The following GAS7 variants were observed in gnomAD, a reference collection of about 807,000 sequenced individuals.
GAS7 encodes growth arrest specific 7, also known as growth arrest-specific protein 7.
A neutral mutation model predicts 71.1 loss-of-function variants in GAS7; 28 were observed. That is an observed-to-expected ratio of 0.39 (90% CI 0.29 to 0.54). The LOEUF is 0.54. GAS7 is among the 20% of genes least tolerant of loss of function. The pLI is 0.62. For missense variants in GAS7, 436 were observed against 627.8 expected, an observed-to-expected ratio of 0.69 and a Z score of 3.27; for synonymous variants, 258 against 245.8, an observed-to-expected ratio of 1.05 and a Z score of -0.46.
At chr17:10,017,323 C>CTTTTTTT (rs1209394276) in intron 2 of GAS7, among the ~76,000 whole-genome samples, 2 of 142,052 alleles carry the variant, frequency 1.4e-5, no homozygotes, top group African/African-American at 2.6e-5. Flanking sequence ...TCATCTTCCA[C>CTTTTTTT]TTTTTTTTTT....
rs2073247086 is a variant in GAS7 at position 10,063,828 on chromosome 17, A to G, written c.184-43931T>C. ...CCTGGTCAAATGCTTCCTTCAAGAC[A>G]CTCAGGTCATGGGCTTCCCCTTGCA... On this transcript the variant is annotated intron_variant, in intron 1 of 13. Coordinates refer to ENST00000432992, the MANE Select transcript of GAS7 (RefSeq NM_201433.2). Among the ~76,000 whole-genome samples, 3 of 151,880 alleles carry G rather than the reference A, an allele frequency of 2.0e-5. No individual in the cohort carries two copies. In the South Asian group the frequency reaches 6.2e-4, roughly 32 times the overall value.
chr17:9,942,144 C>T (rs1183278390), intron 7 of GAS7, among the ~76,000 whole-genome samples: 1 of 152,040 alleles, frequency 6.6e-6, no homozygotes, highest in Non-Finnish European at 1.5e-5. Flanking sequence ...ATCCCAGCTA[C>T]TCCAGAGGCT....
At chr17:10,061,544 T>G (rs566291036) in intron 1 of GAS7, among the ~76,000 whole-genome samples, 1 of 152,360 alleles carries the variant, frequency 6.6e-6, no homozygotes, top group Non-Finnish European at 1.5e-5. Flanking sequence ...GGCTGACATT[T>G]TCGTGTTTTA....
intron 1 of GAS7, among the ~76,000 whole-genome samples, chr17:10,143,378 T>C (rs993303048): frequency 2.6e-5 from 4 of 151,882 alleles, no homozygotes; most frequent in Admixed American, 6.6e-5. Context: ...CCATCTCTAC[T>C]AAAAATACAA....
chr17:9,911,804 G>C lies in GAS7; in HGVS notation c.*5424C>G. On this transcript the variant is annotated 3_prime_UTR_variant, in exon 14 of 14. Coordinates refer to ENST00000432992, the MANE Select transcript of GAS7 (RefSeq NM_201433.2). The surrounding 1 kb of genome is among the most constrained non-coding windows in gnomAD (Gnocchi z 4.0). ...CTGGATCCAGAAATGTCTCTGGTTC[G>C]CATAGAGAGGTACCCAACTGGTCTC... The C allele has an allele frequency of 4.3e-6, 1 of 231,674 alleles. No homozygotes were observed. The highest frequency in any genetic ancestry group is 6.1e-5 in the East Asian group (1 of 16,322). The allele number at this position is 231,674 out of a possible 1,614,324, so 14.4% of individuals were successfully genotyped here. A position where few individuals can be genotyped will look rare whatever the true frequency, so the allele number is the denominator to read the frequency against.
chr17:10,098,043 C>CAA (rs34381280), intron 1 of GAS7, among the ~76,000 whole-genome samples: 1 of 136,818 alleles, frequency 7.3e-6, no homozygotes. Context: ...GACTCCATCT[C>CAA]AAAAAAAAAA....
Position 10,127,142 on chromosome 17 carries a change from T to C in GAS7, c.183+71066A>G, listed in dbSNP as rs563075878. Among the ~76,000 whole-genome samples the C allele has an allele frequency of 3.3e-5, 5 of 152,348 alleles. No homozygotes were observed. The South Asian group carries it at 6.2e-4, about 19-fold the overall frequency. On this transcript the variant is annotated intron_variant, in intron 1 of 13. Transcript: ENST00000432992. The stretch of plus-strand genomic sequence containing the variant: ...CAGCTGGCCATGTGTTCCCAATGAC[T>C]GGCTGATGCTCCCTGCATTTTGAAC...
chr17:10,134,558 A>T (rs2074024035), intron 1 of GAS7, among the ~76,000 whole-genome samples: 1 of 152,178 alleles, frequency 6.6e-6, no homozygotes, highest in Non-Finnish European at 1.5e-5. Context: ...CTGTGCAAAG[A>T]TCCCTTTTGC....
chr17:9,971,318 T>C (rs1159235319), intron 3 of GAS7, among the ~76,000 whole-genome samples: 9 of 151,994 alleles, frequency 5.9e-5, no homozygotes, highest in Non-Finnish European at 1.0e-4. Context: ...TCCCAGCACT[T>C]TGGGAGGCAG....
Position 9,969,313 on chromosome 17 carries a change from G to C in GAS7, c.471+364C>G, listed in dbSNP as rs1261150163. On this transcript the variant is annotated intron_variant, in intron 4 of 13. Coordinates refer to ENST00000432992, the MANE Select transcript of GAS7 (RefSeq NM_201433.2). This position sits in a 1 kb window ranked among gnomAD's most constrained non-coding sequence, Gnocchi z 5.5. ...CATTCTGGGTAATCTGTCCGTGGGAGGGGTAGGGTAGAGAAAAGGAAAATT... is the reference window on the plus strand; with the variant it reads ...CATTCTGGGTAATCTGTCCGTGGGACGGGTAGGGTAGAGAAAAGGAAAATT... 6.6e-6 allele frequency among the ~76,000 whole-genome samples: 1 copy of C among 152,174 alleles called. No homozygotes were observed. The highest frequency in any genetic ancestry group is 1.5e-5 in the Non-Finnish European group (1 of 68,034).
intron 2 of GAS7, among the ~76,000 whole-genome samples, chr17:9,996,951 T>C (rs1018543528): frequency 2.6e-5 from 4 of 151,044 alleles, no homozygotes; most frequent in African/African-American, 9.9e-5. Context: ...GAAGACTATA[T>C]TTTTATAGTA....
At chr17:10,011,344 T>C (rs138613974) in intron 2 of GAS7, among the ~76,000 whole-genome samples, 71 of 152,270 alleles carry the variant, frequency 4.7e-4, no homozygotes, top group African/African-American at 1.6e-3. Context: ...ACAAACCAAA[T>C]GTGTAGGGAA....
At chr17:10,045,009 C>G (rs1169997761) in intron 1 of GAS7, among the ~76,000 whole-genome samples, 1 of 146,510 alleles carries the variant, frequency 6.8e-6, no homozygotes, top group Non-Finnish European at 1.5e-5. Context: ...CCACTGCACT[C>G]CAGCCCGGGC....
At chr17:9,948,457 G>T (rs2068875869) in intron 5 of GAS7, among the ~76,000 whole-genome samples, 1 of 152,230 alleles carries the variant, frequency 6.6e-6, no homozygotes, top group Non-Finnish European at 1.5e-5. Flanking sequence ...GGCCGAGGCA[G>T]GTGGATCATG....
At chr17:10,082,865 T>C (rs1045883324) in intron 1 of GAS7, among the ~76,000 whole-genome samples, 1 of 152,234 alleles carries the variant, frequency 6.6e-6, no homozygotes. Flanking sequence ...CATTATCCTG[T>C]GCAAAAGAAG....
intron 2 of GAS7, among the ~76,000 whole-genome samples, chr17:9,987,111 T>C (rs1209932541): frequency 6.6e-6 from 1 of 152,214 alleles, no homozygotes; most frequent in African/African-American, 2.4e-5. Context: ...CCTCAAGAGA[T>C]GCTGGATTGA....
At chr17:10,052,872 G>A (rs2073081646) in intron 1 of GAS7, among the ~76,000 whole-genome samples, 1 of 152,086 alleles carries the variant, frequency 6.6e-6, no homozygotes, top group South Asian at 2.1e-4. Flanking sequence ...CCCCCACAGC[G>A]GCTCTCCTTT....
At chr17:10,005,406 T>C (rs2071490288) in intron 2 of GAS7, among the ~76,000 whole-genome samples, 1 of 151,866 alleles carries the variant, frequency 6.6e-6, no homozygotes, top group Admixed American at 6.6e-5. Flanking sequence ...CAATACTTGA[T>C]GTAAAATCAC....
rs1296943627 is a variant in GAS7 at position 10,030,216 on chromosome 17, G to A, written c.184-10319C>T. 2.0e-5 allele frequency among the ~76,000 whole-genome samples: 3 copies of A among 152,334 alleles called. No homozygotes were observed. In the East Asian group the frequency reaches 5.8e-4, roughly 29 times the overall value. On this transcript the variant is annotated intron_variant, in intron 1 of 13. Transcript: ENST00000432992. ...TCTACCGGGTTGTATTGGCCCCGAG[G>A]GGGCAGTCAGCTTCCAGGGGGAATC... is the stretch of plus-strand genomic sequence containing the variant.
Sources: gnomAD v4.1 joint callset for allele counts (sites outside exome capture counted in the v4.1 genomes callset) on GRCh38, gnomAD v4.1.1 for gene constraint, Gnocchi (gnomAD v3.1) non-coding constraint, MANE v1.5 for transcripts, NCBI Gene and HGNC (gene_info 2026-07-23, HGNC 2026-07-21) for gene names.